NIPAL3: variants seen among roughly 807,000 people sequenced by gnomAD.
NIPAL3 encodes NIPA-like protein 3.
A neutral mutation model predicts 47.2 loss-of-function variants in NIPAL3; 41 were observed. The observed-to-expected ratio is 0.87, with a 90% CI of 0.68 to 1.13. The LOEUF (loss-of-function observed/expected upper bound fraction) is 1.13. Among genes scored for constraint, NIPAL3 ranks in the 50% most tolerant of loss-of-function variants. The pLI, the probability that NIPAL3 is intolerant of heterozygous loss-of-function variation, is 0.00. For missense variants in NIPAL3, 449 were observed against 530.1 expected, an observed-to-expected ratio of 0.85 and a Z score of 1.50; for synonymous variants, 194 against 209.6, an observed-to-expected ratio of 0.93 and a Z score of 0.64.
At position 24,444,581 on chromosome 1, in the gene NIPAL3, T is replaced by G. The variant is rs575161545; in HGVS notation, c.335-604T>G. Among the ~76,000 whole-genome samples, 24 of 152,256 alleles carry G rather than the reference T, an allele frequency of 1.6e-4. No homozygotes were observed. In the East Asian group the frequency reaches 2.3e-3, roughly 15 times the overall value. On this transcript the variant is annotated intron_variant, in intron 4 of 11. Coordinates refer to ENST00000374399, the MANE Select transcript of NIPAL3 (RefSeq NM_020448.5). ...ACTGAGACTCAGGTGAAGTGACATA[T>G]CCAAGGACACACAGCCAGAAGAGGC...
chr1:24,439,480 C>T (rs912468003), intron 2 of NIPAL3, among the ~76,000 whole-genome samples: 1 of 152,014 alleles, frequency 6.6e-6, no homozygotes, highest in African/African-American at 2.4e-5. Context: ...TGTTTATAGT[C>T]ATTATCTCTG....
Position 24,451,871 on chromosome 1 carries a change from G to GCA in NIPAL3, c.541-1537_541-1536insCA, listed in dbSNP as rs1377836861. ...GACAACTTCACAAAACATGAAGATTGTTTATGGTAACTAAAAACAGCCCAG... is the reference window on the plus strand; with the variant it reads ...GACAACTTCACAAAACATGAAGATTGCATTTATGGTAACTAAAAACAGCCCAG... On this transcript the variant is annotated intron_variant, in intron 6 of 11. Transcript: ENST00000374399. The surrounding 1 kb of genome is among the most constrained non-coding windows in gnomAD (Gnocchi z 4.5). Among the ~76,000 whole-genome samples, 2 of 152,162 alleles carry GCA rather than the reference G, an allele frequency of 1.3e-5. No individual in the cohort carries two copies. Among genetic ancestry groups the GCA allele is most frequent in the Non-Finnish European group, 2.9e-5 (2 of 68,028 alleles).
chr1:24,416,374 T>C lies in NIPAL3; in HGVS notation c.-258+470T>C, dbSNP rs1644033511. ...GAGCCAAAGCCGAGGAACGGGAAGC[T>C]TGGCAGGGAACTGGCGCTCACCTCC... On this transcript the variant is annotated intron_variant, in intron 1 of 11. Coordinates refer to ENST00000374399, the MANE Select transcript of NIPAL3 (RefSeq NM_020448.5). This position sits in a 1 kb window ranked among gnomAD's most constrained non-coding sequence, Gnocchi z 4.8. 1.2e-4 allele frequency: 115 copies of C among 978,620 alleles called. 1 individual carries two copies. The highest frequency in any genetic ancestry group is 1.4e-4 in the Non-Finnish European group (114 of 823,772). The allele number at this position is 978,620 out of a possible 1,614,324, so 60.6% of individuals were successfully genotyped here.
At chr1:24,435,311 A>C (rs1194883897) in intron 2 of NIPAL3, among the ~76,000 whole-genome samples, 3 of 152,242 alleles carry the variant, frequency 2.0e-5, no homozygotes, top group Non-Finnish European at 4.4e-5. Context: ...AGAAGAAATA[A>C]AAATCTTAGA....
At chr1:24,424,659 A>C (rs751094911) in intron 2 of NIPAL3, among the ~76,000 whole-genome samples, 4 of 152,248 alleles carry the variant, frequency 2.6e-5, no homozygotes, top group Non-Finnish European at 5.9e-5. Context: ...ATCCAGTGGC[A>C]GGAAAGGCAA....
chr1:24,460,539 A>C lies in NIPAL3; in HGVS notation c.921A>C (p.Ala307=), dbSNP rs753985903. The C allele has an allele frequency of 4.4e-6, 7 of 1,581,054 alleles. No individual in the cohort carries two copies. In the South Asian group the frequency reaches 5.9e-5, roughly 13 times the overall value. ...GEDVLHICMF[A]LGCLIAFLGV... ...ACGTGCTGCACATCTGCATGTTTGC[A>C]CTGGGGTGAGTTCTGTCCTGCTTGC... is the stretch of plus-strand genomic sequence containing the variant. Residue 307 remains alanine (A), a synonymous_variant, in exon 10 of 12, where the codon GCA becomes GCC. Transcript: ENST00000374399.
At chr1:24,417,379 G>A (rs1043596693) in intron 1 of NIPAL3, among the ~76,000 whole-genome samples, 1 of 152,180 alleles carries the variant, frequency 6.6e-6, no homozygotes, top group Non-Finnish European at 1.5e-5. Flanking sequence ...GAGGTAGAAA[G>A]AACCCTGAGC....
chr1:24,427,987 T>A (rs1430826754), intron 2 of NIPAL3, among the ~76,000 whole-genome samples: 4 of 152,164 alleles, frequency 2.6e-5, no homozygotes, highest in Non-Finnish European at 4.4e-5. Flanking sequence ...GGCTCATGCT[T>A]GTAATCCCAG....
At chr1:24,425,565 G>A (rs1325295917) in intron 2 of NIPAL3, among the ~76,000 whole-genome samples, 1 of 152,148 alleles carries the variant, frequency 6.6e-6, no homozygotes, top group East Asian at 1.9e-4. Flanking sequence ...TTAAGAGCAT[G>A]ACCTTTGGAA....
At chr1:24,458,999 T>C in intron 9 of NIPAL3, 23 bp downstream of exon 9, 1 of 1,603,756 alleles carries the variant, frequency 6.2e-7, no homozygotes, top group Non-Finnish European at 8.5e-7. Flanking sequence ...CATTGCTAGA[T>C]TTCTGTCTTC....
chr1:24,454,882 T>A lies in NIPAL3; in HGVS notation c.638-1256T>A, dbSNP rs1646122496. 1 of 152,254 alleles carries A rather than the reference T, an allele frequency of 6.6e-6. No homozygotes were observed. Among genetic ancestry groups the A allele is most frequent in the Non-Finnish European group, 1.5e-5 (1 of 68,052 alleles). 9.4% of individuals were successfully genotyped at this position (152,254 alleles called of 1,614,324 possible). A position where few individuals can be genotyped will look rare whatever the true frequency, so the allele number is the denominator to read the frequency against. On this transcript the variant is annotated intron_variant, in intron 7 of 11. Coordinates refer to ENST00000374399, the MANE Select transcript of NIPAL3 (RefSeq NM_020448.5). The surrounding 1 kb of genome is among the most constrained non-coding windows in gnomAD (Gnocchi z 4.1). ...TCTGAGGTTCACCCACATCATAGCA[T>A]GAATCAGTCCTTCATTCCTCGGTGA...
In NIPAL3 at chr1:24,421,424, C is replaced by A. The variant is rs1644326198; in HGVS notation, c.93+1784C>A. On this transcript the variant is annotated intron_variant, in intron 2 of 11. Transcript: ENST00000374399. ...CTAAAGGAGACTTTAGAGATCATCTCATCAAACCTCTCATTTGATGGACTG... is the reference window on the plus strand; with the variant it reads ...CTAAAGGAGACTTTAGAGATCATCTAATCAAACCTCTCATTTGATGGACTG... Among the ~76,000 whole-genome samples, 3 of 152,158 alleles carry A rather than the reference C, an allele frequency of 2.0e-5. No homozygotes were observed. In the South Asian group the frequency reaches 6.2e-4, roughly 32 times the overall value.
chr1:24,458,125 T>C (rs1325137149), intron 8 of NIPAL3, among the ~76,000 whole-genome samples: 5 of 152,026 alleles, frequency 3.3e-5, no homozygotes, highest in Non-Finnish European at 1.5e-5. Flanking sequence ...GGACAGCCAG[T>C]GAAGAAACTA....
chr1:24,451,352 A>AG lies in NIPAL3; in HGVS notation c.540+1727dup, dbSNP rs1390298696. Among the ~76,000 whole-genome samples, 1 of 152,190 alleles carries AG rather than the reference A, an allele frequency of 6.6e-6. No homozygotes were observed. The highest frequency in any genetic ancestry group is 6.5e-5 in the Admixed American group (1 of 15,272). ...CTGTTGGGAGGCACCACATATGCACAGCCATCTCATGATATAATGTCCAGT... is the reference window on the plus strand; with the variant it reads ...CTGTTGGGAGGCACCACATATGCACAGGCCATCTCATGATATAATGTCCAGT... On this transcript the variant is annotated intron_variant, in intron 6 of 11. Coordinates refer to ENST00000374399, the MANE Select transcript of NIPAL3 (RefSeq NM_020448.5). The surrounding 1 kb of genome is among the most constrained non-coding windows in gnomAD (Gnocchi z 4.5).
At chr1:24,437,715 A>G (rs1474438374) in intron 2 of NIPAL3, among the ~76,000 whole-genome samples, 1 of 152,114 alleles carries the variant, frequency 6.6e-6, no homozygotes, top group Non-Finnish European at 1.5e-5. Flanking sequence ...TCAGTCCAAG[A>G]TCTGGATCCC....
At chr1:24,466,174 C>T in intron 11 of NIPAL3, 1 of 1,367,460 alleles carries the variant, frequency 7.3e-7, no homozygotes, top group Non-Finnish European at 1.0e-6. Context: ...CACTCTCAGC[C>T]AGGCCTTGGC....
intron 11 of NIPAL3, chr1:24,465,929 A>G (rs1356525266): frequency 5.3e-6 from 8 of 1,513,608 alleles, no homozygotes; most frequent in Non-Finnish European, 7.1e-6. Flanking sequence ...GAACAGTCTC[A>G]GTCTAAACAG....
intron 2 of NIPAL3, among the ~76,000 whole-genome samples, chr1:24,425,804 C>T (rs1275399992): frequency 2.0e-5 from 3 of 152,158 alleles, no homozygotes; most frequent in African/African-American, 7.2e-5. Context: ...TACAGATAAG[C>T]AAACCGAAGC....
rs754410850 is a variant in NIPAL3 at position 24,449,656 on chromosome 1, A to G, written c.540+30A>G. 1 of 1,601,006 alleles carries G rather than the reference A, an allele frequency of 6.2e-7. No individual in the cohort carries two copies. Among genetic ancestry groups the G allele is most frequent in the South Asian group, 1.1e-5 (1 of 90,440 alleles). Reference sequence around the variant, plus strand: ...GAGAAGCCTCCAGTCGTTCCCCCTGAGATGGCAGGAGGGAGATCAAGTCCT... The same window carrying G: ...GAGAAGCCTCCAGTCGTTCCCCCTGGGATGGCAGGAGGGAGATCAAGTCCT... On this transcript the variant is annotated intron_variant, in intron 6 of 11. Transcript: ENST00000374399. This position sits in a 1 kb window ranked among gnomAD's most constrained non-coding sequence, Gnocchi z 4.5.
Sources: allele counts gnomAD v4.1 joint callset (sites outside exome capture counted in the v4.1 genomes callset), GRCh38; gene constraint gnomAD v4.1.1; non-coding constraint Gnocchi (gnomAD v3.1); transcripts MANE v1.5; gene names NCBI Gene and HGNC (gene_info 2026-07-23, HGNC 2026-07-21).